STARD5: variants seen among roughly 807,000 people sequenced by gnomAD.
STARD5 encodes stAR-related lipid transfer protein 5.
STARD5 carries 26 observed loss-of-function variants against 24.6 expected under a neutral mutation model. That is an observed-to-expected ratio of 1.06 (90% confidence interval 0.77 to 1.47). The LOEUF is 1.47. Ranked by LOEUF, STARD5 falls within the 40% of genes most tolerant of loss-of-function variation. The pLI is 0.00. For missense variants in STARD5, 254 were observed against 270.8 expected, an observed-to-expected ratio of 0.94 and a Z score of 0.44; for synonymous variants, 101 against 99.7, an observed-to-expected ratio of 1.01 and a Z score of -0.07.
At chr15:81,316,916 G>A (rs1431718761) in intron 5 of STARD5, among the ~76,000 whole-genome samples, 2 of 152,068 alleles carry the variant, frequency 1.3e-5, no homozygotes, top group African/African-American at 2.4e-5. Context: ...CCATGCAATC[G>A]GGCCAGGCGC....
At chr15:81,317,930 G>A (rs748164767) in intron 5 of STARD5, among the ~76,000 whole-genome samples, 70 of 152,242 alleles carry the variant, frequency 4.6e-4, no homozygotes, top group Non-Finnish European at 2.2e-4. Flanking sequence ...CCTGAGTTCC[G>A]CCACATTCCT....
chr15:81,316,017 T>C (rs1315999040), intron 5 of STARD5, among the ~76,000 whole-genome samples: 1 of 152,154 alleles, frequency 6.6e-6, no homozygotes, highest in Non-Finnish European at 1.5e-5. Flanking sequence ...GGGCCGAATG[T>C]CCTAGCCTCT....
chr15:81,317,166 C>G (rs552408924), intron 5 of STARD5, among the ~76,000 whole-genome samples: 19 of 146,094 alleles, frequency 1.3e-4, no homozygotes, highest in Non-Finnish European at 2.1e-4. Flanking sequence ...CACTGCACTC[C>G]GGCCTGGGTG....
chr15:81,322,289 C>G, intron 3 of STARD5, 119 bp downstream of exon 3: 1 of 1,352,522 alleles, frequency 7.4e-7, no homozygotes, highest in African/African-American at 1.4e-5. Context: ...GCAGCCTGTG[C>G]TTGCAGGACA....
Position 81,319,364 on chromosome 15 carries a change from A to C in STARD5, c.375T>G (p.Tyr125Ter), listed in dbSNP as rs760370422. The C allele has an allele frequency of 1.2e-6, 2 of 1,614,192 alleles. No homozygotes were observed. Among genetic ancestry groups the C allele is most frequent in the Non-Finnish European group, 1.7e-6 (2 of 1,179,992 alleles). The part of the protein sequence containing the change: ...DFVDLVLVKR[Y>*]EDGTISSNAT... Reference sequence around the variant, plus strand: ...CGTTGGAACTGATGGTCCCATCCTCATATCTCTTGACTAGCACCAAGTCCA... The same window carrying C: ...CGTTGGAACTGATGGTCCCATCCTCCTATCTCTTGACTAGCACCAAGTCCA... The change falls in exon 4 of 6, where the codon TAT (tyrosine) becomes TAG (stop). Residue 125 changes from tyrosine (Y) to a stop codon, truncating the protein, a stop_gained. Transcript: ENST00000302824. LOFTEE classifies it high-confidence loss of function.
intron 5 of STARD5, among the ~76,000 whole-genome samples, chr15:81,316,039 CACA>C (rs983550918): frequency 6.6e-6 from 1 of 152,174 alleles, no homozygotes; most frequent in African/African-American, 2.4e-5. Flanking sequence ...CTCTTGCTAA[CACA>C]ACACCTCCCT....
chr15:81,316,125 T>A (rs1901078330), intron 5 of STARD5, among the ~76,000 whole-genome samples: 1 of 152,070 alleles, frequency 6.6e-6, no homozygotes, highest in South Asian at 2.1e-4. Context: ...CATCTGCTCA[T>A]CCCCCTGCCA....
chr15:81,318,397 A>C lies in STARD5; in HGVS notation c.494+12T>G, dbSNP rs1387041284. On this transcript the variant is annotated intron_variant, in intron 5 of 5. Transcript: ENST00000302824. ...CTGAGCCATGTACCTCAATGCAGGA[A>C]ATTATCCTTACCCTGGAAGAGGTTC... 2 of 1,612,838 alleles carry C rather than the reference A, an allele frequency of 1.2e-6. No homozygotes were observed. Among genetic ancestry groups the C allele is most frequent in the Non-Finnish European group, 1.7e-6 (2 of 1,178,894 alleles).
In STARD5 at chr15:81,313,649, C is replaced by G. The variant is rs17875574; in HGVS notation, c.495-246G>C. ...CTCCAGGGAGGAAGAAGTCCCTACT[C>G]CCAGCCCAAAAACCCAGTACCCTGC... On this transcript the variant is annotated intron_variant, in intron 5 of 5. Coordinates refer to ENST00000302824, the MANE Select transcript of STARD5 (RefSeq NM_181900.3). The G allele has an allele frequency of 6.8e-3, 2,143 of 314,908 alleles. 39 individuals carry two copies. The highest frequency in any genetic ancestry group is 0.037 in the African/African-American group (1,718 of 46,712). 19.5% of individuals were successfully genotyped at this position (314,908 alleles called of 1,614,324 possible).
intron 5 of STARD5, among the ~76,000 whole-genome samples, chr15:81,317,764 T>A (rs1441359416): frequency 6.6e-6 from 1 of 152,122 alleles, no homozygotes; most frequent in Non-Finnish European, 1.5e-5. Flanking sequence ...TCAACATGCA[T>A]GATTCCCAGG....
rs1387837684 is a variant in STARD5 at position 81,309,216 on chromosome 15, G to A, written c.*4040C>T. The A allele has an allele frequency of 1.8e-5, 3 of 164,644 alleles. No homozygotes were observed. Among genetic ancestry groups the A allele is most frequent in the Non-Finnish European group, 3.9e-5 (3 of 76,202 alleles). The allele number at this position is 164,644 out of a possible 1,614,324, so 10.2% of individuals were successfully genotyped here. The stretch of plus-strand genomic sequence containing the variant: ...ATGTGGGCAGAGATTGGAATGGGCA[G>A]CTCATCTCTGTCCCACTTGGCATCA... On this transcript the variant is annotated 3_prime_UTR_variant, in exon 6 of 6. Coordinates refer to ENST00000302824, the MANE Select transcript of STARD5 (RefSeq NM_181900.3).
At chr15:81,318,255 G>A (rs773660996) in intron 5 of STARD5, among the ~76,000 whole-genome samples, 154 bp downstream of exon 5, 2 of 152,190 alleles carry the variant, frequency 1.3e-5, no homozygotes, top group Non-Finnish European at 2.9e-5. Context: ...ATGCAGATGT[G>A]TGTGAAAGTA....
intron 5 of STARD5, among the ~76,000 whole-genome samples, chr15:81,314,270 G>C (rs972184479): frequency 7.2e-5 from 11 of 152,144 alleles, no homozygotes; most frequent in African/African-American, 2.7e-4. Context: ...ACCTATGAAG[G>C]GATTTTGGCC....
chr15:81,314,209 A>C (rs1486171677), intron 5 of STARD5, among the ~76,000 whole-genome samples: 1 of 152,194 alleles, frequency 6.6e-6, no homozygotes, highest in South Asian at 2.1e-4. Flanking sequence ...ATAATGCCTT[A>C]TGCCAAAATT....
chr15:81,318,582 A>G, intron 4 of STARD5, 80 bp from the exon 5 acceptor site: 2 of 1,271,820 alleles, frequency 1.6e-6, no homozygotes, highest in Non-Finnish European at 2.3e-6. Context: ...TAGAGCACAC[A>G]GACCAGACTA....
chr15:81,322,612 T>TAGA lies in STARD5; in HGVS notation c.150-75_150-73dup. 6 of 1,604,366 alleles carry TAGA rather than the reference T, an allele frequency of 3.7e-6. No homozygotes were observed. In the Admixed American group the frequency reaches 5.0e-5, roughly 13 times the overall value. ...TTATCTTGAGATTGTATCTAAGGACTAGAAGGTGGACCATGCCATGTCTGT... is the reference window on the plus strand; with the variant it reads ...TTATCTTGAGATTGTATCTAAGGACTAGAAGAAGGTGGACCATGCCATGTCTGT... On this transcript the variant is annotated intron_variant, in intron 2 of 5. Coordinates refer to ENST00000302824, the MANE Select transcript of STARD5 (RefSeq NM_181900.3).
At position 81,323,983 on chromosome 15, in the gene STARD5, G is replaced by A. The variant is rs752295793; in HGVS notation, c.99+18C>T. 1 of 1,576,542 alleles carries A rather than the reference G, an allele frequency of 6.3e-7. No homozygotes were observed. The highest frequency in any genetic ancestry group is 2.3e-5 in the East Asian group (1 of 43,152). On this transcript the variant is annotated intron_variant, in intron 1 of 5. Coordinates refer to ENST00000302824, the MANE Select transcript of STARD5 (RefSeq NM_181900.3). The stretch of plus-strand genomic sequence containing the variant: ...GAAGCCGTCTCCGCGACCCCTTCCC[G>A]CCCAGCTCCTCACTCACGCCTTCCC...
Position 81,318,374 on chromosome 15 carries a change from G to A in STARD5, c.494+35C>T, listed in dbSNP as rs1241602130. On this transcript the variant is annotated intron_variant, in intron 5 of 5. Coordinates refer to ENST00000302824, the MANE Select transcript of STARD5 (RefSeq NM_181900.3). ...CCACAGGGAAGTCACAGTTAGGTCT[G>A]AGCCATGTACCTCAATGCAGGAAAT... The A allele has an allele frequency of 3.1e-6, 5 of 1,588,954 alleles. No homozygotes were observed. In the Admixed American group the frequency reaches 8.3e-5, roughly 26 times the overall value.
rs1161666630 is a variant in STARD5 at position 81,310,544 on chromosome 15, A to G, written c.*2712T>C. On this transcript the variant is annotated 3_prime_UTR_variant, in exon 6 of 6. Transcript: ENST00000302824. ...GTATCCACTTTTTAGACTTAATAGAAACATTGAAGATGAACATAATCTACC... is the reference window on the plus strand; with the variant it reads ...GTATCCACTTTTTAGACTTAATAGAGACATTGAAGATGAACATAATCTACC... 6.6e-6 allele frequency: 1 copy of G among 152,218 alleles called. No individual in the cohort carries two copies. The highest frequency in any genetic ancestry group is 1.5e-5 in the Non-Finnish European group (1 of 68,042). 9.4% of individuals were successfully genotyped at this position (152,218 alleles called of 1,614,324 possible). A position where few individuals can be genotyped will look rare whatever the true frequency, so the allele number is the denominator to read the frequency against.
Sources: gnomAD v4.1 joint callset for allele counts (sites outside exome capture counted in the v4.1 genomes callset) on GRCh38, gnomAD v4.1.1 for gene constraint, MANE v1.5 for transcripts, NCBI Gene and HGNC (gene_info 2026-07-23, HGNC 2026-07-21) for gene names.